MRTFA: variants seen among roughly 807,000 people sequenced by gnomAD.
MRTFA encodes myocardin-related transcription factor A.
A neutral mutation model predicts 83.5 loss-of-function variants in MRTFA; 20 were observed. The observed-to-expected ratio is 0.24, with a 90% CI of 0.17 to 0.35. The LOEUF (loss-of-function observed/expected upper bound fraction) is 0.35, where lower values mean the gene tolerates loss of function less well. MRTFA is among the 10% of genes least tolerant of loss of function. The pLI, the probability that MRTFA is intolerant of heterozygous loss-of-function variation, is 1.00. For synonymous variants in MRTFA, 659 were observed against 541.2 expected, an observed-to-expected ratio of 1.22 and a Z score of -3.02; for missense variants, 1,200 against 1,224.7, an observed-to-expected ratio of 0.98 and a Z score of 0.30.
intron 3 of MRTFA, among the ~76,000 whole-genome samples, chr22:40,493,740 T>C (rs1443449478): frequency 2.0e-5 from 3 of 152,220 alleles, no homozygotes; most frequent in African/African-American, 4.8e-5. Flanking sequence ...GATAATGCTA[T>C]GTAGAAAAAC....
At chr22:40,571,199 C>A (rs2055788126) in intron 2 of MRTFA, among the ~76,000 whole-genome samples, 1 of 151,530 alleles carries the variant, frequency 6.6e-6, no homozygotes, top group African/African-American at 2.4e-5. Flanking sequence ...AGGAGTGAGA[C>A]CCTCTCTCAA....
At chr22:40,495,602 T>C (rs1392320573) in intron 3 of MRTFA, among the ~76,000 whole-genome samples, 1 of 128,000 alleles carries the variant, frequency 7.8e-6, no homozygotes, top group Non-Finnish European at 1.7e-5. Flanking sequence ...CTACTAAAAA[T>C]ATAAAAATTA....
At chr22:40,560,241 T>C (rs2055593308) in intron 2 of MRTFA, among the ~76,000 whole-genome samples, 1 of 152,240 alleles carries the variant, frequency 6.6e-6, no homozygotes. Context: ...TACATTTGTA[T>C]ATGTTTGATA....
chr22:40,498,787 A>G (rs1252193297), intron 3 of MRTFA, among the ~76,000 whole-genome samples: 1 of 152,214 alleles, frequency 6.6e-6, no homozygotes, highest in Non-Finnish European at 1.5e-5. Flanking sequence ...AGGAATTTGC[A>G]CTTGAAATCA....
At chr22:40,538,958 G>A (rs1487869415) in intron 3 of MRTFA, among the ~76,000 whole-genome samples, 4 of 150,318 alleles carry the variant, frequency 2.7e-5, no homozygotes, top group African/African-American at 2.5e-5. Flanking sequence ...TCACTCTAAA[G>A]GGACATTATA....
intron 4 of MRTFA, among the ~76,000 whole-genome samples, chr22:40,459,432 T>C (rs941036123): frequency 2.6e-5 from 4 of 152,072 alleles, no homozygotes; most frequent in Non-Finnish European, 5.9e-5. Context: ...ACTATGTCCA[T>C]AGCTGAAGGT....
At chr22:40,556,009 T>A (rs1400804532) in intron 2 of MRTFA, among the ~76,000 whole-genome samples, 1 of 152,072 alleles carries the variant, frequency 6.6e-6, no homozygotes, top group East Asian at 1.9e-4. Flanking sequence ...TAAGAAAAAG[T>A]AAGACATAAA....
chr22:40,418,310 C>T, intron 12 of MRTFA, 64 bp downstream of exon 12: 2 of 1,572,090 alleles, frequency 1.3e-6, no homozygotes, highest in South Asian at 1.2e-5. Context: ...CCCAAGAGGG[C>T]TGTAGCGAGA....
In MRTFA at chr22:40,552,193, G is replaced by C; in HGVS notation, c.154C>G (p.Gln52Glu). The change falls in exon 3 of 15, where the codon CAG (glutamine) becomes GAG (glutamate). Residue 52 changes from glutamine to glutamate, a missense_variant. Around this residue, in one of 2 missense-constraint regions of MRTFA, gnomAD observed 93 missense variants for 182.9 expected, o/e 0.51. Transcript: ENST00000355630. Reference sequence around the variant, plus strand: ...AGCTCGGGCTGCAAGGAGAGCTCCTGCAGTTCATTGGCAACAGCTTCACTC... The same window carrying C: ...AGCTCGGGCTGCAAGGAGAGCTCCTCCAGTTCATTGGCAACAGCTTCACTC... The C allele has an allele frequency of 2.5e-6, 1 of 399,020 alleles. No individual in the cohort carries two copies. The highest frequency in any genetic ancestry group is 3.6e-5 in the East Asian group (1 of 28,072). The allele number at this position is 399,020 out of a possible 1,614,324, so 24.7% of individuals were successfully genotyped here.
intron 2 of MRTFA, among the ~76,000 whole-genome samples, chr22:40,578,696 C>G (rs946576803): frequency 6.6e-6 from 1 of 152,002 alleles, no homozygotes; most frequent in African/African-American, 2.4e-5. Context: ...CTGAGGCAAA[C>G]GGATTGCTTG....
At chr22:40,466,819 A>G (rs1889763743) in intron 3 of MRTFA, among the ~76,000 whole-genome samples, 1 of 152,152 alleles carries the variant, frequency 6.6e-6, no homozygotes, top group African/African-American at 2.4e-5. Flanking sequence ...TTGATTGAAA[A>G]ACTTCTTGCT....
At chr22:40,545,732 C>CACCACTGAATTTCTATATG in intron 3 of MRTFA, among the ~76,000 whole-genome samples, 1 of 148,336 alleles carries the variant, frequency 6.7e-6, no homozygotes, top group South Asian at 2.1e-4. Flanking sequence ...CACGCCCGGC[C>CACCACTGAATTTCTATATG]ATTTTTTTCT....
chr22:40,580,013 A>G (rs2055923546), intron 2 of MRTFA, among the ~76,000 whole-genome samples: 1 of 152,236 alleles, frequency 6.6e-6, no homozygotes, highest in South Asian at 2.1e-4. Context: ...CAAGGAAAAA[A>G]TAAAATATGG....
chr22:40,417,248 G>GC (rs2052701137), intron 13 of MRTFA, 93 bp downstream of exon 13: 2 of 1,515,868 alleles, frequency 1.3e-6, no homozygotes, highest in Admixed American at 2.0e-5. Context: ...GGCTTCGCCT[G>GC]CCCCCTATTC....
chr22:40,582,447 C>T (rs183579299), intron 2 of MRTFA, among the ~76,000 whole-genome samples: 3 of 152,226 alleles, frequency 2.0e-5, no homozygotes, highest in East Asian at 3.9e-4. Flanking sequence ...AGAAGAATTG[C>T]TAGTCAAATG....
chr22:40,505,100 A>T (rs2054559679), intron 3 of MRTFA, among the ~76,000 whole-genome samples: 1 of 152,216 alleles, frequency 6.6e-6, no homozygotes, highest in Non-Finnish European at 1.5e-5. Context: ...TCAGATACTC[A>T]CAGCATCTAG....
intron 3 of MRTFA, among the ~76,000 whole-genome samples, chr22:40,502,773 C>T (rs2054516561): frequency 6.6e-6 from 1 of 151,918 alleles, no homozygotes; most frequent in South Asian, 2.1e-4. Flanking sequence ...GCGGCGCTCG[C>T]CGGCGCGGCG....
At chr22:40,493,019 C>CA (rs754340947) in intron 3 of MRTFA, among the ~76,000 whole-genome samples, 4 of 152,294 alleles carry the variant, frequency 2.6e-5, no homozygotes, top group Admixed American at 6.5e-5. Context: ...ACAATAGTGA[C>CA]AACCCACCAA....
In MRTFA at chr22:40,418,874, C is replaced by G. The variant is rs201308820; in HGVS notation, c.1864G>C (p.Asp622His). The change falls in exon 12 of 15, where the codon GAC (aspartate) becomes CAC (histidine). Residue 622 changes from aspartate to histidine, a missense_variant. This residue lies in a region of MRTFA where 1,107 missense variants were observed against 1,041.8 expected (regional missense o/e 1.06). Transcript: ENST00000355630. ...TTCTCCTGCAGCATCTGGTCCTTGT[C>G]GCGCCCCTCTAGCTCCGCCCGCCCC... 18 of 1,612,402 alleles carry G rather than the reference C, an allele frequency of 1.1e-5. No homozygotes were observed. The African/African-American group carries it at 2.0e-4, about 18-fold the overall frequency.
Sources: gnomAD v4.1 joint callset for allele counts (sites outside exome capture counted in the v4.1 genomes callset) on GRCh38, gnomAD v4.1.1 for gene constraint, gnomAD v4.1.1 regional missense constraint, MANE v1.5 for transcripts, NCBI Gene and HGNC (gene_info 2026-07-23, HGNC 2026-07-21) for gene names.